The following ZNF154 variants were observed in gnomAD, a reference collection of about 807,000 sequenced individuals.
ZNF154 encodes the protein zinc finger protein 154, also known as zinc finger protein 154 (pHZ-92).
In ZNF154, 6 loss-of-function variants were observed where a neutral mutation model predicts 7.5. The ratio of observed to expected loss-of-function variants is 0.80; its 90% CI spans 0.44 to 1.57. The LOEUF (loss-of-function observed/expected upper bound fraction) is 1.57, where lower values mean the gene tolerates loss of function less well. Ranked by LOEUF, ZNF154 falls within the 40% of genes most tolerant of loss-of-function variation. The pLI, the probability that ZNF154 is intolerant of heterozygous loss-of-function variation, is 0.01. For missense variants in ZNF154, 485 were observed against 531.4 expected, an observed-to-expected ratio of 0.91 and a Z score of 0.86; for synonymous variants, 187 against 185.9, an observed-to-expected ratio of 1.01 and a Z score of -0.05.
In ZNF154 at chr19:57,701,646, G is replaced by A. The variant is rs1223163660; in HGVS notation, c.1303C>T (p.His435Tyr). The A allele has an allele frequency of 6.2e-7, 1 of 1,611,604 alleles. No individual in the cohort carries two copies. The highest frequency in any genetic ancestry group is 1.7e-5 in the Admixed American group (1 of 59,958). ...NSSLIKHQRI[H>Y]SR The stretch of plus-strand genomic sequence containing the variant: ...CACTCATAAGGCTTTTATCGACTAT[G>A]AATTCTCTGATGTTTAATAAGGCTG... The change falls in exon 3 of 3, where the codon CAT (histidine) becomes TAT (tyrosine). Residue 435 changes from histidine to tyrosine, a missense_variant. Physicochemically the swap from His to Tyr is moderately conservative, Grantham distance 83 (BLOSUM62 2). Transcript: ENST00000684351.
intron 2 of ZNF154, 146 bp from the exon 3 acceptor site, chr19:57,702,934 A>T (rs1169734631): frequency 7.7e-6 from 6 of 780,768 alleles, no homozygotes; most frequent in Non-Finnish European, 1.2e-5. Flanking sequence ...AGGGAGAAAG[A>T]TCTGCCTTAG....
Position 57,699,289 on chromosome 19 carries a change from TGTTG to T in ZNF154, c.*2342_*2345del, listed in dbSNP as rs1351198607. 3 of 154,820 alleles carry T rather than the reference TGTTG, an allele frequency of 1.9e-5. No homozygotes were observed. The highest frequency in any genetic ancestry group is 7.2e-5 in the African/African-American group (3 of 41,428). The allele number at this position is 154,820 out of a possible 1,614,324, so 9.6% of individuals were successfully genotyped here. On this transcript the variant is annotated 3_prime_UTR_variant, in exon 3 of 3. Transcript: ENST00000684351. ...TTTTAGTAGAGATGAGGTTTCAATATGTTGGTCAGGCTGGTCTCTAACTCCTGAC... is the reference window on the plus strand; with the variant it reads ...TTTTAGTAGAGATGAGGTTTCAATATGTCAGGCTGGTCTCTAACTCCTGAC...
chr19:57,700,732 G>A lies in ZNF154; in HGVS notation c.*903C>T, dbSNP rs1429891171. On this transcript the variant is annotated 3_prime_UTR_variant, in exon 3 of 3. Coordinates refer to ENST00000684351, the MANE Select transcript of ZNF154 (RefSeq NM_001085384.3). ...CTCAGGCTGACCTCTATGGCATCCA[G>A]GATATAAATTAGGACAATACCCTGT... 1 of 152,218 alleles carries A rather than the reference G, an allele frequency of 6.6e-6. No homozygotes were observed. Among genetic ancestry groups the A allele is most frequent in the Non-Finnish European group, 1.5e-5 (1 of 68,028 alleles). The allele number at this position is 152,218 out of a possible 1,614,324, so 9.4% of individuals were successfully genotyped here.
intron 1 of ZNF154, among the ~76,000 whole-genome samples, chr19:57,705,625 A>G (rs1985353771): frequency 2.0e-5 from 3 of 151,998 alleles, no homozygotes; most frequent in Non-Finnish European, 4.4e-5. Context: ...GTGGTGAAGC[A>G]CACCTGTAAT....
rs1985227744 is a variant in ZNF154 at position 57,702,690 on chromosome 19, C to T, written c.259G>A (p.Glu87Lys). The stretch of plus-strand genomic sequence containing the variant: ...CCAACTTCTCTGCAGGTGGAAGGCT[C>T]CCCTGACACATGGAATGTGCAGGTC... ...VKTCTFHVSG[E>K]PSTCREVGKD... The change falls in exon 3 of 3, where the codon GAG (glutamate) becomes AAG (lysine). Residue 87 changes from glutamate (E) to lysine (K), a missense_variant. Physicochemically the swap from Glu to Lys is moderately conservative, Grantham distance 56. Transcript: ENST00000684351. The T allele has an allele frequency of 6.2e-7, 1 of 1,613,882 alleles. No homozygotes were observed. The highest frequency in any genetic ancestry group is 1.3e-5 in the African/African-American group (1 of 74,936).
Position 57,704,885 on chromosome 19 carries a change from A to G in ZNF154, c.128T>C (p.Met43Thr). The change falls in exon 2 of 3, where the codon ATG (methionine) becomes ACG (threonine). Residue 43 changes from methionine to threonine, a missense_variant. Transcript: ENST00000684351. ...GGTTAAAAGAGCCAAGTTCTCCAGC[A>G]TCACATCACGGTACAGGCATCTTTG... ...EAQRCLYRDV[M>T]LENLALLTSL... The G allele has an allele frequency of 6.2e-7, 1 of 1,613,432 alleles. No individual in the cohort carries two copies. Among genetic ancestry groups the G allele is most frequent in the East Asian group, 2.2e-5 (1 of 44,850 alleles).
chr19:57,702,868 C>A, intron 2 of ZNF154, 80 bp from the exon 3 acceptor site: 1 of 1,385,582 alleles, frequency 7.2e-7, no homozygotes, highest in Admixed American at 2.2e-5. Flanking sequence ...AGGGCCCAGC[C>A]AAGAGCAAAA....
At position 57,702,098 on chromosome 19, in the gene ZNF154, T is replaced by C. The variant is rs1330254593; in HGVS notation, c.851A>G (p.Tyr284Cys). The part of the protein sequence containing the change: ...ECSECGKFFT[Y>C]HSSLIKHQKV... Reference sequence around the variant, plus strand: ...CTGGTGTTTTATGAGACTGGAATGATATGTAAAAAACTTCCCACATTCACT... The same window carrying C: ...CTGGTGTTTTATGAGACTGGAATGACATGTAAAAAACTTCCCACATTCACT... The change falls in exon 3 of 3, where the codon TAT becomes TGT. Residue 284 changes from tyrosine (Y) to cysteine (C), a missense_variant. Coordinates refer to ENST00000684351, the MANE Select transcript of ZNF154 (RefSeq NM_001085384.3). 1.2e-6 allele frequency: 2 copies of C among 1,612,678 alleles called. No individual in the cohort carries two copies. The highest frequency in any genetic ancestry group is 1.7e-6 in the Non-Finnish European group (2 of 1,179,832).
Position 57,701,625 on chromosome 19 carries a change from CAT to C in ZNF154, c.*8_*9del, listed in dbSNP as rs1985137081. The C allele has an allele frequency of 1.2e-6, 2 of 1,607,172 alleles. No individual in the cohort carries two copies. The highest frequency in any genetic ancestry group is 1.3e-5 in the African/African-American group (1 of 74,698). ...TAACAGATTTTCCACATTTGCCACT[CAT>C]AAGGCTTTTATCGACTATGAATTCT... is the stretch of plus-strand genomic sequence containing the variant. On this transcript the variant is annotated 3_prime_UTR_variant, in exon 3 of 3. Transcript: ENST00000684351.
Position 57,702,076 on chromosome 19 carries a change from G to A in ZNF154, c.873C>T (p.His291=), listed in dbSNP as rs1301081403. 1.9e-6 allele frequency: 3 copies of A among 1,612,146 alleles called. No individual in the cohort carries two copies. Among genetic ancestry groups the A allele is most frequent in the South Asian group, 2.2e-5 (2 of 90,992 alleles). Residue 291 remains histidine, a synonymous_variant, in exon 3 of 3, where the codon CAC becomes CAT. Transcript: ENST00000684351. ...FFTYHSSLIK[H]QKVHSGSRPY... is the part of the protein sequence containing the mutation. Reference sequence around the variant, plus strand: ...GCCTGGATCCACTGTGAACTTTCTGGTGTTTTATGAGACTGGAATGATATG... The same window carrying A: ...GCCTGGATCCACTGTGAACTTTCTGATGTTTTATGAGACTGGAATGATATG...
rs1032546497 is a variant in ZNF154, at chr19:57,700,488, C to G, written c.*1147G>C. ...ATTGCAGTGTTATTGCAGTTTTCCA[C>G]TCTCTATCAATCCAGTACTTCTATA... is the stretch of plus-strand genomic sequence containing the variant. On this transcript the variant is annotated 3_prime_UTR_variant, in exon 3 of 3. Transcript: ENST00000684351. 4 of 152,206 alleles carry G rather than the reference C, an allele frequency of 2.6e-5. No homozygotes were observed. The highest frequency in any genetic ancestry group is 7.2e-5 in the African/African-American group (3 of 41,440). The allele number at this position is 152,206 out of a possible 1,614,324, so 9.4% of individuals were successfully genotyped here.
rs1305316234 is a variant in ZNF154 at position 57,700,656 on chromosome 19, A to G, written c.*979T>C. The G allele has an allele frequency of 6.6e-6, 1 of 152,214 alleles. No homozygotes were observed. The highest frequency in any genetic ancestry group is 1.5e-5 in the Non-Finnish European group (1 of 68,036). The allele number at this position is 152,214 out of a possible 1,614,324, so 9.4% of individuals were successfully genotyped here. On this transcript the variant is annotated 3_prime_UTR_variant, in exon 3 of 3. Transcript: ENST00000684351. ...AGTATTCCTTGTGAACAAGAGAACA[A>G]TTTCATGTTGCTTTCAGAAACATCA...
At position 57,702,095 on chromosome 19, in the gene ZNF154, T is replaced by C; in HGVS notation, c.854A>G (p.His285Arg). 1 of 1,608,880 alleles carries C rather than the reference T, an allele frequency of 6.2e-7. No homozygotes were observed. The highest frequency in any genetic ancestry group is 8.5e-7 in the Non-Finnish European group (1 of 1,179,094). ...CSECGKFFTY[H>R]SSLIKHQKVH... ...TTTCTGGTGTTTTATGAGACTGGAATGATATGTAAAAAACTTCCCACATTC... is the reference window on the plus strand; with the variant it reads ...TTTCTGGTGTTTTATGAGACTGGAACGATATGTAAAAAACTTCCCACATTC... Residue 285 changes from histidine (H) to arginine (R), a missense_variant, in exon 3 of 3, where the codon CAT becomes CGT. Physicochemically the swap from His to Arg is conservative, Grantham distance 29. Transcript: ENST00000684351.
rs1157517589 is a variant in ZNF154 at position 57,702,387 on chromosome 19, G to A, written c.562C>T (p.Pro188Ser). Residue 188 changes from proline (P) to serine (S), a missense_variant, in exon 3 of 3, where the codon CCT (proline) becomes TCT (serine). Pro to Ser is a moderately conservative substitution (Grantham distance 74). Transcript: ENST00000684351. ...TTCCCACACTCTCGACATTCATAAG[G>A]CTTTTCTCCAGTGTGAAGTCTCCAA... ...DHWRLHTGEK[P>S]YECRECGKSF... is the part of the protein sequence containing the mutation. 5 of 1,612,694 alleles carry A rather than the reference G, an allele frequency of 3.1e-6. No individual in the cohort carries two copies. In the African/African-American group the frequency reaches 4.0e-5, roughly 13 times the overall value.
In ZNF154 at chr19:57,700,275, G is replaced by A. The variant is rs1337045366; in HGVS notation, c.*1360C>T. 1.3e-5 allele frequency: 2 copies of A among 152,128 alleles called. No individual in the cohort carries two copies. Among genetic ancestry groups the A allele is most frequent in the African/African-American group, 2.4e-5 (1 of 41,420 alleles). The allele number at this position is 152,128 out of a possible 1,614,324, so 9.4% of individuals were successfully genotyped here. On this transcript the variant is annotated 3_prime_UTR_variant, in exon 3 of 3. Coordinates refer to ENST00000684351, the MANE Select transcript of ZNF154 (RefSeq NM_001085384.3). The stretch of plus-strand genomic sequence containing the variant: ...CTCCCTTCTCTATCCTTGTTTTCCT[G>A]CCTGCATAGCAATGACCTTGAGGTG...
Position 57,702,281 on chromosome 19 carries a change from CCACATTCAT to C in ZNF154, c.659_667del (p.Asp220_Cys222del). On this transcript the variant is annotated inframe_deletion, in exon 3 of 3. Coordinates refer to ENST00000684351, the MANE Select transcript of ZNF154 (RefSeq NM_001085384.3). ...GTTAGACTTGTTGCTAAATAATTTT[CCACATTCAT>C]CACATTCATGAGGTCGTACTGCAGT... 1.2e-6 allele frequency: 2 copies of C among 1,614,138 alleles called. No homozygotes were observed. The highest frequency in any genetic ancestry group is 1.7e-6 in the Non-Finnish European group (2 of 1,180,030).
At chr19:57,705,264 A>C (rs774730871) in intron 1 of ZNF154, among the ~76,000 whole-genome samples, 28 of 152,126 alleles carry the variant, frequency 1.8e-4, no homozygotes, top group Admixed American at 7.2e-4. Flanking sequence ...CATTCTTCAG[A>C]ATACACATCC....
chr19:57,707,183 A>G (rs1199948113), intron 1 of ZNF154, among the ~76,000 whole-genome samples: 2 of 151,570 alleles, frequency 1.3e-5, no homozygotes, highest in Admixed American at 6.6e-5. Context: ...TAGTCCACAC[A>G]ATGACCACCA....
chr19:57,705,201 G>C (rs1022183275), intron 1 of ZNF154, among the ~76,000 whole-genome samples: 1 of 152,102 alleles, frequency 6.6e-6, no homozygotes, highest in Admixed American at 6.5e-5. Flanking sequence ...GGTCATCTAA[G>C]TCTCAATACC....
Sources: allele counts gnomAD v4.1 joint callset (sites outside exome capture counted in the v4.1 genomes callset), GRCh38; gene constraint gnomAD v4.1.1; transcripts MANE v1.5; gene names NCBI Gene and HGNC (gene_info 2026-07-23, HGNC 2026-07-21).